The following ASB4 variants were observed in gnomAD, a reference collection of about 807,000 sequenced individuals.
ASB4 encodes the protein ankyrin repeat and SOCS box protein 4.
ASB4 carries 35 observed loss-of-function variants against 38.6 expected under a neutral mutation model. The observed-to-expected ratio is 0.91, with a 90% CI of 0.69 to 1.20. ASB4 has a LOEUF of 1.20. Among genes scored for constraint, ASB4 ranks in the 50% most tolerant of loss-of-function variants. ASB4 has a pLI of 0.00. For synonymous variants in ASB4, 195 were observed against 201.3 expected (o/e 0.97, Z 0.26); for missense variants, 557 against 527.2 (o/e 1.06, Z -0.55).
chr7:95,503,959 T>A (rs1485174911), intron 2 of ASB4, among the ~76,000 whole-genome samples: 1 of 152,184 alleles, frequency 6.6e-6, no homozygotes, highest in Non-Finnish European at 1.5e-5. Flanking sequence ...TCTGTTTGCC[T>A]TTCTACTTAA....
the ASB4 span, among the ~76,000 whole-genome samples, chr7:95,471,133 C>G: frequency 6.6e-6 from 1 of 152,152 alleles, no homozygotes. Context: ...TTTCTAATGT[C>G]CATATCCTGC....
At position 95,511,662 on chromosome 7, in the gene ASB4, C is replaced by CAA. The variant is rs534302628; in HGVS notation, c.487+15616_487+15617dup. Among the ~76,000 whole-genome samples the CAA allele has an allele frequency of 4.5e-3, 603 of 134,046 alleles. 4 individuals carry two copies. The highest frequency in any genetic ancestry group is 0.015 in the African/African-American group (565 of 36,800). 87.9% of individuals were successfully genotyped at this position (134,046 alleles called of 152,430 possible). On this transcript the variant is annotated intron_variant, in intron 2 of 4. Coordinates refer to ENST00000325885, the MANE Select transcript of ASB4 (RefSeq NM_016116.3). ...GGGCAACAAGAGCAAAACTCCGTCT[C>CAA]AAAAAAAAAAAATAAATAAATAAAA...
At chr7:95,524,350 G>A (rs1343210285) in intron 2 of ASB4, among the ~76,000 whole-genome samples, 1 of 152,156 alleles carries the variant, frequency 6.6e-6, no homozygotes, top group Admixed American at 6.5e-5. Context: ...ATACAATATT[G>A]AGTGAAAGAA....
chr7:95,520,178 C>T (rs1399034718), intron 2 of ASB4, among the ~76,000 whole-genome samples: 3 of 152,128 alleles, frequency 2.0e-5, no homozygotes, highest in African/African-American at 4.8e-5. Context: ...TTGAAAGTGT[C>T]CCCCCAACAG....
At chr7:95,475,071 A>C (rs1001000966), upstream of ASB4, among the ~76,000 whole-genome samples, 2 of 152,180 alleles carry the variant, frequency 1.3e-5, no homozygotes, top group African/African-American at 4.8e-5. Flanking sequence ...TATAGTGCCT[A>C]GACCAGCAAC....
At chr7:95,544,090 C>G (rs766728770), downstream of ASB4, 2 of 151,948 alleles carry the variant, frequency 1.3e-5, no homozygotes, top group Admixed American at 1.3e-4. Context: ...GTAAAACACT[C>G]CAATCATATG....
chr7:95,476,429 T>A (rs549034835), upstream of ASB4, among the ~76,000 whole-genome samples: 2 of 152,294 alleles, frequency 1.3e-5, no homozygotes, highest in Non-Finnish European at 2.9e-5. Context: ...TCACAGCCCA[T>A]GTTTAAAATA....
intron 2 of ASB4, among the ~76,000 whole-genome samples, chr7:95,511,169 T>C (rs1388709406): frequency 1.3e-5 from 2 of 152,166 alleles, no homozygotes; most frequent in East Asian, 3.9e-4. Context: ...TTGAAGTTTT[T>C]ACTAATTAGA....
intron 2 of ASB4, among the ~76,000 whole-genome samples, chr7:95,509,191 G>T (rs1370929847): frequency 6.6e-6 from 1 of 152,178 alleles, no homozygotes; most frequent in African/African-American, 2.4e-5. Flanking sequence ...ATTCGGGAAG[G>T]AGATTAGGTG....
At chr7:95,551,214 C>T in the ASB4 span, among the ~76,000 whole-genome samples, 2 of 152,258 alleles carry the variant, frequency 1.3e-5, no homozygotes, top group Non-Finnish European at 2.9e-5. Flanking sequence ...CTCCTCACCT[C>T]GGGACATCCA....
At chr7:95,471,236 G>T in the ASB4 span, among the ~76,000 whole-genome samples, 1 of 152,266 alleles carries the variant, frequency 6.6e-6, no homozygotes, top group East Asian at 1.9e-4. Context: ...AAATGATGTG[G>T]CTTGCCCCAT....
At chr7:95,504,986 C>G (rs1172329280) in intron 2 of ASB4, among the ~76,000 whole-genome samples, 1 of 152,230 alleles carries the variant, frequency 6.6e-6, no homozygotes, top group Admixed American at 6.5e-5. Flanking sequence ...CAACCTTAAG[C>G]AGTGCTTTCA....
chr7:95,512,765 T>C (rs1790500306), intron 2 of ASB4, among the ~76,000 whole-genome samples: 1 of 152,186 alleles, frequency 6.6e-6, no homozygotes, highest in Non-Finnish European at 1.5e-5. Flanking sequence ...TCACATTTGG[T>C]GCAGCAAGAA....
At position 95,495,955 on chromosome 7, in the gene ASB4, C is replaced by T. The variant is rs780991883; in HGVS notation, c.385C>T (p.Arg129Cys). The T allele has an allele frequency of 6.2e-6, 10 of 1,614,060 alleles. No homozygotes were observed. Among genetic ancestry groups the T allele is most frequent in the East Asian group, 2.2e-5 (1 of 44,876 alleles). Reference sequence around the variant, plus strand: ...GGATTGTGTTAAGATCCTCTGTGATCGTGGGGCAAAGCTCAATTGCTACTC... The same window carrying T: ...GGATTGTGTTAAGATCCTCTGTGATTGTGGGGCAAAGCTCAATTGCTACTC... ...NVDCVKILCDRGAKLNCYSLS... is the reference protein window; with the variant it reads ...NVDCVKILCDCGAKLNCYSLS... The change falls in exon 2 of 5, where the codon CGT becomes TGT. Residue 129 changes from arginine to cysteine, a missense_variant. Coordinates refer to ENST00000325885, the MANE Select transcript of ASB4 (RefSeq NM_016116.3).
At chr7:95,483,057 C>T (rs953702696), upstream of ASB4, among the ~76,000 whole-genome samples, 6 of 152,162 alleles carry the variant, frequency 3.9e-5, no homozygotes, top group Non-Finnish European at 8.8e-5. Flanking sequence ...TGTCAGCCGA[C>T]GGGCTGCAGC....
chr7:95,500,568 C>CAAAAAAAA (rs771099175), intron 2 of ASB4, among the ~76,000 whole-genome samples: 1 of 41,000 alleles, frequency 2.4e-5, no homozygotes, highest in Non-Finnish European at 4.4e-5. Flanking sequence ...AGATCTGTCT[C>CAAAAAAAA]AAAAAAAAAA....
chr7:95,484,286 C>G (rs1013803217), upstream of ASB4, among the ~76,000 whole-genome samples: 1 of 152,068 alleles, frequency 6.6e-6, no homozygotes, highest in East Asian at 1.9e-4. Context: ...GAGCCCAGAT[C>G]ACACCACTGT....
chr7:95,511,928 T>C (rs1487569144), intron 2 of ASB4, among the ~76,000 whole-genome samples: 2 of 152,206 alleles, frequency 1.3e-5, no homozygotes, highest in African/African-American at 4.8e-5. Context: ...CTAATGTAAA[T>C]TAGTCTCGGG....
intron 3 of ASB4, among the ~76,000 whole-genome samples, chr7:95,530,685 A>G (rs1039560344): frequency 1.3e-5 from 2 of 152,128 alleles, no homozygotes; most frequent in Admixed American, 6.5e-5. Flanking sequence ...TGCAGACCAT[A>G]TATGTCGCCT....
Sources: gnomAD v4.1 joint callset for allele counts (sites outside exome capture counted in the v4.1 genomes callset) on GRCh38, gnomAD v4.1.1 for gene constraint, MANE v1.5 for transcripts, NCBI Gene and HGNC (gene_info 2026-07-23, HGNC 2026-07-21) for gene names.